Variants in ELL2 observed in about 807,000 individuals in gnomAD.
ELL2 encodes elongation factor for RNA polymerase II 2.
ELL2 carries 21 observed loss-of-function variants against 72.8 expected under a neutral mutation model. The observed-to-expected ratio is 0.29, with a 90% confidence interval of 0.20 to 0.42. The LOEUF is 0.42. Among genes scored for constraint, ELL2 ranks in the 10% least tolerant of loss-of-function variants. The probability of loss-of-function intolerance (pLI) is 1.00; values close to 1 mark genes in which losing one functional copy is unlikely to be tolerated. For synonymous variants in ELL2, 266 were observed against 283.2 expected (o/e 0.94, Z 0.61); for missense variants, 568 against 772.8 (o/e 0.73, Z 3.14).
intron 3 of ELL2, 35 bp from the exon 4 acceptor site, chr5:95,913,969 C>T: frequency 6.5e-7 from 1 of 1,535,442 alleles, no homozygotes; most frequent in Non-Finnish European, 8.7e-7. Flanking sequence ...TTAGACATGA[C>T]CTTCATTTTG....
At chr5:95,941,217 AC>A (rs1201566952) in intron 2 of ELL2, among the ~76,000 whole-genome samples, 1 of 152,156 alleles carries the variant, frequency 6.6e-6, no homozygotes, top group Non-Finnish European at 1.5e-5. Context: ...TAAGATTTAA[AC>A]CCATCAGTCA....
In ELL2 at chr5:95,891,702, G is replaced by A. The variant is rs565402837; in HGVS notation, c.1590-428C>T. Reference sequence around the variant, plus strand: ...GGAGAATGTCACGCAGTCCGTGAGTGCTGAAAGTCAAAGCTCTCTCTGGAC... The same window carrying A: ...GGAGAATGTCACGCAGTCCGTGAGTACTGAAAGTCAAAGCTCTCTCTGGAC... On this transcript the variant is annotated intron_variant, in intron 9 of 11. Transcript: ENST00000237853. Among the ~76,000 whole-genome samples the A allele has an allele frequency of 2.0e-5, 3 of 152,334 alleles. No homozygotes were observed. In the East Asian group the frequency reaches 5.8e-4, roughly 29 times the overall value.
chr5:95,911,223 A>G (rs1313687843), intron 4 of ELL2, among the ~76,000 whole-genome samples: 1 of 152,244 alleles, frequency 6.6e-6, no homozygotes, highest in Non-Finnish European at 1.5e-5. Flanking sequence ...ATAAGGTTAA[A>G]AGAAAAAGAT....
intron 2 of ELL2, among the ~76,000 whole-genome samples, chr5:95,925,461 T>C (rs914905896): frequency 1.1e-4 from 17 of 152,230 alleles, no homozygotes; most frequent in African/African-American, 3.9e-4. Flanking sequence ...ATTATGTTTA[T>C]AGTCTTTCTC....
chr5:95,936,225 T>C (rs1750767224), intron 2 of ELL2, among the ~76,000 whole-genome samples: 1 of 152,222 alleles, frequency 6.6e-6, no homozygotes, highest in Non-Finnish European at 1.5e-5. Context: ...AGGCCACTCA[T>C]TTACTGATGT....
intron 4 of ELL2, among the ~76,000 whole-genome samples, chr5:95,907,296 A>ATATATATATATATTTTTTTTTTTTTTTTT: frequency 6.9e-4 from 80 of 116,362 alleles, no homozygotes; most frequent in African/African-American, 3.1e-3. Flanking sequence ...ATATATATAT[A>ATATATATATATATTTTTTTTTTTTTTTTT]TTTTTTTTTT....
At chr5:95,920,118 CTAAGATGCCATTAT>C (rs1175932601) in intron 2 of ELL2, among the ~76,000 whole-genome samples, 1 of 152,022 alleles carries the variant, frequency 6.6e-6, no homozygotes, top group Non-Finnish European at 1.5e-5. Context: ...AACTGCTGTC[CTAAGATGCCATTAT>C]ACATCCTCAT....
At chr5:95,918,265 AATTTT>A (rs1749905720) in intron 3 of ELL2, among the ~76,000 whole-genome samples, 1 of 152,246 alleles carries the variant, frequency 6.6e-6, no homozygotes, top group Non-Finnish European at 1.5e-5. Context: ...TGATGTTTTA[AATTTT>A]ATTTAATTTT....
intron 1 of ELL2, among the ~76,000 whole-genome samples, chr5:95,947,875 GTT>G (rs61499032): frequency 1.8e-4 from 28 of 151,484 alleles, no homozygotes; most frequent in Admixed American, 5.9e-4. Context: ...GAAAAAAATA[GTT>G]TTTTTTTCCT....
intron 2 of ELL2, among the ~76,000 whole-genome samples, chr5:95,921,135 A>G (rs952105602): frequency 1.3e-5 from 2 of 152,262 alleles, no homozygotes; most frequent in East Asian, 1.9e-4. Flanking sequence ...GAAAAAGGTA[A>G]AAAGAAAAAA....
At chr5:95,950,598 G>C (rs1199328774) in intron 1 of ELL2, among the ~76,000 whole-genome samples, 1 of 151,786 alleles carries the variant, frequency 6.6e-6, no homozygotes, top group Non-Finnish European at 1.5e-5. Context: ...CCTTTTATTA[G>C]ATGCCAAAAA....
intron 4 of ELL2, among the ~76,000 whole-genome samples, chr5:95,911,173 C>A (rs1301296452): frequency 6.6e-6 from 1 of 151,824 alleles, no homozygotes; most frequent in Non-Finnish European, 1.5e-5. Context: ...GACTGAGCTG[C>A]CTGGAAGGAA....
rs762777983 is a variant in ELL2 at position 95,901,015 on chromosome 5, T to C, written c.807A>G (p.Gln269=). The C allele has an allele frequency of 2.5e-6, 4 of 1,613,894 alleles. No homozygotes were observed. Among genetic ancestry groups the C allele is most frequent in the Non-Finnish European group, 3.4e-6 (4 of 1,179,932 alleles). ...TLKDYVFKEL[Q]RDWPGYSEID... ...TTTCACTGTATCCAGGCCAGTCTCT[T>C]TGAAGCTCTTTAAAAACATAATCCT... The change falls in exon 6 of 12, where the codon CAA becomes CAG. Residue 269 remains glutamine (Q), a synonymous_variant. Transcript: ENST00000237853.
intron 3 of ELL2, among the ~76,000 whole-genome samples, chr5:95,917,410 G>A (rs530832660): frequency 1.3e-5 from 2 of 152,280 alleles, no homozygotes; most frequent in East Asian, 3.9e-4. Context: ...AGCTCAGTCA[G>A]CACTGTGAAA....
At chr5:95,954,946 T>C (rs1751576962) in intron 1 of ELL2, among the ~76,000 whole-genome samples, 1 of 152,222 alleles carries the variant, frequency 6.6e-6, no homozygotes. Flanking sequence ...TCTACTCTGT[T>C]TACAGAATAA....
At chr5:95,896,507 G>A (rs546603571) in intron 8 of ELL2, among the ~76,000 whole-genome samples, 3 of 151,810 alleles carry the variant, frequency 2.0e-5, no homozygotes, top group Admixed American at 6.6e-5. Flanking sequence ...GTAATTTCTC[G>A]GTTTAATATT....
rs528225586 is a variant in ELL2, at chr5:95,908,601, T to C, written c.482-1819A>G. On this transcript the variant is annotated intron_variant, in intron 4 of 11. Coordinates refer to ENST00000237853, the MANE Select transcript of ELL2 (RefSeq NM_012081.6). Reference sequence around the variant, plus strand: ...GAGGAGCAGGAATCAACACAGTCCATACTTCCCCACGTTGCCAGGCTGCCA... The same window carrying C: ...GAGGAGCAGGAATCAACACAGTCCACACTTCCCCACGTTGCCAGGCTGCCA... Among the ~76,000 whole-genome samples the C allele has an allele frequency of 3.3e-5, 5 of 152,290 alleles. No individual in the cohort carries two copies. The South Asian group carries it at 6.2e-4, about 19-fold the overall frequency.
intron 5 of ELL2, among the ~76,000 whole-genome samples, chr5:95,902,760 A>G (rs749876150): frequency 6.6e-6 from 1 of 152,058 alleles, no homozygotes; most frequent in Non-Finnish European, 1.5e-5. Context: ...ACAATCCATC[A>G]ATTTTCTTTT....
chr5:95,898,535 T>A lies in ELL2; in HGVS notation c.1230A>T (p.Leu410=). The A allele has an allele frequency of 1.2e-6, 2 of 1,614,056 alleles. No homozygotes were observed. The highest frequency in any genetic ancestry group is 1.7e-6 in the Non-Finnish European group (2 of 1,180,024). The change falls in exon 8 of 12, where the codon CTA becomes CTT. Residue 410 remains leucine, a synonymous_variant. Transcript: ENST00000237853. ...CGTTTTGACTAAAACTGTCAACAGG[T>A]AGGTCTTGAGTCCCCCGGCCTTCTG... ...STPEGRGTQD[L]PVDSFSQNDS...
Sources: allele counts gnomAD v4.1 joint callset (sites outside exome capture counted in the v4.1 genomes callset), GRCh38; gene constraint gnomAD v4.1.1; transcripts MANE v1.5; gene names NCBI Gene and HGNC (gene_info 2026-07-23, HGNC 2026-07-21).